The following DIP2C variants were observed in gnomAD, a reference collection of about 807,000 sequenced individuals.
The protein encoded by DIP2C is disco-interacting protein 2 homolog C.
In DIP2C, 33 loss-of-function variants were observed where a neutral mutation model predicts 192.4. The ratio of observed to expected loss-of-function variants is 0.17; its 90% CI spans 0.13 to 0.23. DIP2C has a LOEUF of 0.23. Among genes scored for constraint, DIP2C ranks in the 10% least tolerant of loss-of-function variants. The pLI is 1.00. For synonymous variants in DIP2C, 979 were observed against 864.1 expected, an observed-to-expected ratio of 1.13 and a Z score of -2.33; for missense variants, 1,537 against 2,110.1, an observed-to-expected ratio of 0.73 and a Z score of 5.32.
chr10:407,121 G>A (rs142363416), intron 9 of DIP2C, among the ~76,000 whole-genome samples: 15 of 152,308 alleles, frequency 9.8e-5, no homozygotes, highest in African/African-American at 3.6e-4. Context: ...CCAGCTCTGC[G>A]TGAATCACTT....
At chr10:436,397 C>T (rs1967202795) in intron 4 of DIP2C, among the ~76,000 whole-genome samples, 1 of 152,254 alleles carries the variant, frequency 6.6e-6, no homozygotes, top group Middle Eastern at 3.2e-3. Context: ...TGATTTGCTG[C>T]TGGTGTGGAT....
intron 22 of DIP2C, among the ~76,000 whole-genome samples, chr10:359,233 T>A (rs1200457950): frequency 6.6e-6 from 1 of 152,166 alleles, no homozygotes; most frequent in African/African-American, 2.4e-5. Context: ...GGGCCTGACG[T>A]CCTCTAGCCG....
intron 32 of DIP2C, among the ~76,000 whole-genome samples, chr10:292,436 A>T (rs1955537525): frequency 6.6e-6 from 1 of 152,242 alleles, no homozygotes; most frequent in African/African-American, 2.4e-5. Context: ...TGTCAAGTGG[A>T]CTTGAAGTTC....
intron 17 of DIP2C, among the ~76,000 whole-genome samples, chr10:381,600 GTGCCC>G (rs1962380978): frequency 6.6e-6 from 1 of 152,176 alleles, no homozygotes; most frequent in South Asian, 2.1e-4. Flanking sequence ...CCTGACATGC[GTGCCC>G]ACGTGCAACA....
At chr10:595,478 G>A (rs373120955) in intron 1 of DIP2C, among the ~76,000 whole-genome samples, 23 of 152,238 alleles carry the variant, frequency 1.5e-4, no homozygotes, top group African/African-American at 5.5e-4. Flanking sequence ...TGTCCCTGAA[G>A]CACTAACTCT....
chr10:557,540 C>T (rs1848944052), intron 1 of DIP2C, among the ~76,000 whole-genome samples: 1 of 150,548 alleles, frequency 6.6e-6, no homozygotes, highest in South Asian at 2.1e-4. Flanking sequence ...TTCTCAAAGC[C>T]AAAGGCTGCC....
At chr10:600,793 G>A (rs1244700899) in intron 1 of DIP2C, among the ~76,000 whole-genome samples, 1 of 152,186 alleles carries the variant, frequency 6.6e-6, no homozygotes, top group Non-Finnish European at 1.5e-5. Flanking sequence ...AACACTGATT[G>A]GCACCAAGTA....
At chr10:365,974 G>A (rs368193555) in intron 19 of DIP2C, among the ~76,000 whole-genome samples, 2 of 152,192 alleles carry the variant, frequency 1.3e-5, no homozygotes, top group Admixed American at 6.5e-5. Flanking sequence ...GGCCCTTCAC[G>A]CACACAAGTG....
intron 1 of DIP2C, among the ~76,000 whole-genome samples, chr10:566,235 A>AT (rs1849460725): frequency 1.3e-5 from 2 of 152,140 alleles, no homozygotes; most frequent in East Asian, 3.9e-4. Context: ...TGAAGAAACA[A>AT]TTTTTTGCCC....
At chr10:293,369 C>T (rs997060409) in intron 32 of DIP2C, among the ~76,000 whole-genome samples, 9 of 152,220 alleles carry the variant, frequency 5.9e-5, no homozygotes, top group African/African-American at 1.2e-4. Context: ...AGCACAGCCA[C>T]GCTCACCGTG....
rs370194305 is a variant in DIP2C, at chr10:441,005, G to A, written c.269-9C>T. 31 of 1,610,204 alleles carry A rather than the reference G, an allele frequency of 1.9e-5. No homozygotes were observed. Among genetic ancestry groups the A allele is most frequent in the Non-Finnish European group, 2.5e-5 (29 of 1,179,090 alleles). On this transcript the variant is annotated splice_polypyrimidine_tract_variant and intron_variant, in intron 3 of 36. Transcript: ENST00000280886. ...AGCTTCCGTGTGGACGTCTGAAACG[G>A]AGAGAGCTCAGTCACTCAGTGCTCA...
intron 1 of DIP2C, among the ~76,000 whole-genome samples, chr10:619,064 T>G (rs1044423279): frequency 6.6e-6 from 1 of 152,202 alleles, no homozygotes; most frequent in Admixed American, 6.5e-5. Context: ...CGCTGTCTCC[T>G]GAGCTGTGTG....
intron 31 of DIP2C, among the ~76,000 whole-genome samples, chr10:320,182 G>A (rs1956944729): frequency 6.6e-6 from 1 of 152,210 alleles, no homozygotes; most frequent in Non-Finnish European, 1.5e-5. Flanking sequence ...CGGGAGACTA[G>A]ACTCTAGTCA....
chr10:395,369 C>A (rs180799054), intron 10 of DIP2C, among the ~76,000 whole-genome samples: 17 of 152,078 alleles, frequency 1.1e-4, no homozygotes, highest in East Asian at 3.9e-4. Context: ...CATTCCACGT[C>A]GTATGCATAT....
At chr10:463,501 C>A (rs905254177) in intron 3 of DIP2C, among the ~76,000 whole-genome samples, 3 of 152,108 alleles carry the variant, frequency 2.0e-5, no homozygotes, top group African/African-American at 7.2e-5. Flanking sequence ...AGAGAAGACA[C>A]AAACAAATGG....
chr10:461,561 A>G (rs1277622131), intron 3 of DIP2C, among the ~76,000 whole-genome samples: 1 of 152,172 alleles, frequency 6.6e-6, no homozygotes, highest in Non-Finnish European at 1.5e-5. Flanking sequence ...CTACCAAGAG[A>G]CTTAGACTCC....
At chr10:315,221 A>AT (rs1169429607) in intron 31 of DIP2C, among the ~76,000 whole-genome samples, 1 of 152,190 alleles carries the variant, frequency 6.6e-6, no homozygotes, top group African/African-American at 2.4e-5. Context: ...AGCTGTTCAT[A>AT]TTTTTAAACA....
At chr10:539,053 TTG>T (rs1239854870) in intron 1 of DIP2C, among the ~76,000 whole-genome samples, 2 of 152,196 alleles carry the variant, frequency 1.3e-5, no homozygotes, top group African/African-American at 4.8e-5. Flanking sequence ...ACGAGCTCAG[TTG>T]TCTGTTCACG....
chr10:448,856 G>C (rs1226244715), intron 3 of DIP2C, among the ~76,000 whole-genome samples: 2 of 114,846 alleles, frequency 1.7e-5, no homozygotes, highest in Non-Finnish European at 3.4e-5. Flanking sequence ...TGGGGCAGCA[G>C]GACCTGCTCA....
Sources: gnomAD v4.1 joint callset for allele counts (sites outside exome capture counted in the v4.1 genomes callset) on GRCh38, gnomAD v4.1.1 for gene constraint, MANE v1.5 for transcripts, NCBI Gene and HGNC (gene_info 2026-07-23, HGNC 2026-07-21) for gene names.